CCDC91: variants seen among roughly 807,000 people sequenced by gnomAD.
CCDC91 encodes coiled-coil domain-containing protein 91.
CCDC91 carries 48 observed loss-of-function variants against 63.2 expected under a neutral mutation model. The observed-to-expected ratio is 0.76, with a 90% CI of 0.60 to 0.97. The LOEUF (loss-of-function observed/expected upper bound fraction) is 0.97, where lower values mean the gene tolerates loss of function less well. Ranked by LOEUF, CCDC91 falls within the 50% of genes least tolerant of loss-of-function variation. The pLI is 0.00. For synonymous variants in CCDC91, 167 were observed against 165.8 expected, an observed-to-expected ratio of 1.01 and a Z score of -0.06; for missense variants, 500 against 494.6, an observed-to-expected ratio of 1.01 and a Z score of -0.10.
chr12:28,243,211 AT>A (rs1945463621), intron 1 of CCDC91, among the ~76,000 whole-genome samples: 2 of 152,136 alleles, frequency 1.3e-5, no homozygotes, highest in African/African-American at 4.8e-5. Context: ...CGTGCAGGGT[AT>A]GGGAGTCAGT....
chr12:28,313,465 A>G (rs1218129937), intron 6 of CCDC91, among the ~76,000 whole-genome samples: 1 of 152,060 alleles, frequency 6.6e-6, no homozygotes, highest in East Asian at 1.9e-4. Flanking sequence ...GTTTTGGAAA[A>G]TCTACTCCTC....
At chr12:28,240,974 C>T (rs943731654) in intron 1 of CCDC91, among the ~76,000 whole-genome samples, 1 of 152,126 alleles carries the variant, frequency 6.6e-6, no homozygotes. Context: ...TACTGTTTTA[C>T]ATTCCCACCA....
At chr12:28,256,050 G>A (rs1240805594) in intron 1 of CCDC91, 3 of 152,122 alleles carry the variant, frequency 2.0e-5, no homozygotes, top group Non-Finnish European at 4.4e-5. Flanking sequence ...TTGTATTACT[G>A]AGTCAAGGAA....
intron 3 of CCDC91, among the ~76,000 whole-genome samples, chr12:28,291,912 A>G (rs568798422): frequency 1.3e-4 from 20 of 152,126 alleles, no homozygotes; most frequent in Non-Finnish European, 5.9e-5. Flanking sequence ...TCAACTTCCA[A>G]TGGCCAGCCA....
At position 28,298,913 on chromosome 12, in the gene CCDC91, T is replaced by A. The variant is rs1275597418; in HGVS notation, c.110-6736T>A. ...ATTCAGTCATGTTGTTTCATATATC[T>A]GTAGTTTCTTTATTTTCACTGATAA... On this transcript the variant is annotated intron_variant, in intron 3 of 12. Transcript: ENST00000536442. Among the ~76,000 whole-genome samples the A allele has an allele frequency of 2.0e-5, 3 of 151,474 alleles. No homozygotes were observed. The East Asian group carries it at 5.8e-4, about 29-fold the overall frequency.
chr12:28,275,317 T>C (rs1191515777), intron 3 of CCDC91, among the ~76,000 whole-genome samples: 3 of 152,100 alleles, frequency 2.0e-5, no homozygotes, highest in African/African-American at 7.2e-5. Flanking sequence ...AAATACAAAC[T>C]ACCATCAGAG....
intron 1 of CCDC91, among the ~76,000 whole-genome samples, chr12:28,246,482 C>CAATGCAAATTTGCATTAGTA (rs1945745433): frequency 6.6e-6 from 1 of 151,936 alleles, no homozygotes; most frequent in Admixed American, 6.6e-5. Context: ...ATCATTAGTA[C>CAATGCAAATTTGCATTAGTA]CAATGCAAAT....
intron 7 of CCDC91, among the ~76,000 whole-genome samples, 178 bp downstream of exon 7, chr12:28,362,693 A>C (rs1943983738): frequency 1.3e-5 from 2 of 152,218 alleles, no homozygotes; most frequent in Admixed American, 1.3e-4. Context: ...TACAAAGGTA[A>C]TATTAGACAC....
intron 3 of CCDC91, among the ~76,000 whole-genome samples, chr12:28,305,434 G>A (rs773312167): frequency 8.5e-5 from 13 of 152,110 alleles, no homozygotes; most frequent in Non-Finnish European, 5.9e-5. Context: ...ATCTTACATG[G>A]AAGTGTCATG....
chr12:28,307,707 G>T lies in CCDC91; in HGVS notation c.534G>T (p.Glu178Asp). ...AAAAAGGCTTTCTAAAAGAAAAAGA[G>T]CAAGAGGCCATTTCTTTTCAAGATA... ...VLEKGFLKEK[E>D]QEAISFQDRY... Residue 178 changes from glutamate (E) to aspartate (D), a missense_variant, in exon 6 of 13, where the codon GAG (glutamate) becomes GAT (aspartate). Transcript: ENST00000536442. The T allele has an allele frequency of 6.3e-7, 1 of 1,592,668 alleles. No homozygotes were observed. The highest frequency in any genetic ancestry group is 8.6e-7 in the Non-Finnish European group (1 of 1,168,738).
At chr12:28,510,550 C>T (rs1211181028) in intron 12 of CCDC91, among the ~76,000 whole-genome samples, 1 of 151,810 alleles carries the variant, frequency 6.6e-6, no homozygotes, top group Non-Finnish European at 1.5e-5. Flanking sequence ...TAGATGAGGC[C>T]ACCACATTAG....
At chr12:28,303,070 G>T (rs1389701149) in intron 3 of CCDC91, among the ~76,000 whole-genome samples, 1 of 152,042 alleles carries the variant, frequency 6.6e-6, no homozygotes, top group African/African-American at 2.4e-5. Flanking sequence ...GGCACCAAAG[G>T]AGGAGTTTTA....
chr12:28,352,801 A>G (rs1943269115), intron 6 of CCDC91, among the ~76,000 whole-genome samples: 1 of 152,112 alleles, frequency 6.6e-6, no homozygotes, highest in Non-Finnish European at 1.5e-5. Flanking sequence ...AGGCAAGAGC[A>G]GCATAATGCT....
chr12:28,337,965 T>C lies in CCDC91; in HGVS notation c.577-24473T>C, dbSNP rs1942114167. On this transcript the variant is annotated intron_variant, in intron 6 of 12. Coordinates refer to ENST00000536442, the MANE Select transcript of CCDC91 (RefSeq NM_018318.5). ...TCCTAATAATTTAATGCATCATTAA[T>C]AAATAATGAGCACCAGCTCACCAGA... Among the ~76,000 whole-genome samples the C allele has an allele frequency of 2.0e-5, 3 of 152,164 alleles. 1 individual carries two copies. In the South Asian group the frequency reaches 6.2e-4, roughly 31 times the overall value.
chr12:28,363,599 T>A (rs1406203522), intron 7 of CCDC91, among the ~76,000 whole-genome samples: 3 of 152,104 alleles, frequency 2.0e-5, no homozygotes, highest in African/African-American at 7.2e-5. Flanking sequence ...CGTAAATCAT[T>A]TGGGCCGGGC....
intron 8 of CCDC91, among the ~76,000 whole-genome samples, chr12:28,447,130 A>G (rs1330364418): frequency 6.6e-6 from 1 of 152,198 alleles, no homozygotes; most frequent in African/African-American, 2.4e-5. Flanking sequence ...AATTTCTCAT[A>G]AGGCTATAAT....
Position 28,342,225 on chromosome 12 carries a change from C to T in CCDC91, c.577-20213C>T, listed in dbSNP as rs552187470. On this transcript the variant is annotated intron_variant, in intron 6 of 12. Coordinates refer to ENST00000536442, the MANE Select transcript of CCDC91 (RefSeq NM_018318.5). ...AAATTAAGAAACAAAAGAAGCCCTT[C>T]CCTAGAGCCTCCAGATAGAAAGGCA... Among the ~76,000 whole-genome samples the T allele has an allele frequency of 5.3e-5, 8 of 152,164 alleles. No individual in the cohort carries two copies. The East Asian group carries it at 5.8e-4, about 11-fold the overall frequency.
At chr12:28,348,930 C>T (rs1943000887) in intron 6 of CCDC91, among the ~76,000 whole-genome samples, 1 of 152,028 alleles carries the variant, frequency 6.6e-6, no homozygotes, top group African/African-American at 2.4e-5. Context: ...TGCTCTATTT[C>T]CTAGGCTGGT....
intron 1 of CCDC91, among the ~76,000 whole-genome samples, chr12:28,201,768 G>A (rs577551925): frequency 6.9e-6 from 1 of 144,220 alleles, no homozygotes; most frequent in East Asian, 1.9e-4. Context: ...GACTCCGTCT[G>A]CAATCCCGGC....
Sources: allele counts gnomAD v4.1 joint callset (sites outside exome capture counted in the v4.1 genomes callset), GRCh38; gene constraint gnomAD v4.1.1; transcripts MANE v1.5; gene names NCBI Gene and HGNC (gene_info 2026-07-23, HGNC 2026-07-21).